The following KRT85 variants were observed in gnomAD, a reference collection of about 807,000 sequenced individuals.
KRT85 encodes keratin, type II cuticular Hb5.
KRT85 carries 39 observed loss-of-function variants against 53.7 expected under a neutral mutation model. The ratio of observed to expected loss-of-function variants is 0.73; its 90% CI spans 0.56 to 0.95. The LOEUF is 0.95. KRT85 is among the 40% of genes least tolerant of loss of function. The pLI, the probability that KRT85 is intolerant of heterozygous loss-of-function variation, is 0.00. For missense variants in KRT85, 668 were observed against 686.0 expected (o/e 0.97, Z 0.29); for synonymous variants, 291 against 277.5 (o/e 1.05, Z -0.48).
chr12:52,363,211 C>A lies in KRT85; in HGVS notation c.951+35G>T, dbSNP rs1242434369. The A allele has an allele frequency of 1.9e-6, 3 of 1,613,732 alleles. No individual in the cohort carries two copies. In the South Asian group the frequency reaches 3.3e-5, roughly 18 times the overall value. ...TAGATGCCTAACTTCCCTCCCACTG[C>A]CATGCTTAGCAGGCAGGTGTCCTGT... On this transcript the variant is annotated intron_variant, in intron 5 of 8. Transcript: ENST00000257901.
At position 52,360,320 on chromosome 12, in the gene KRT85, G is replaced by T. The variant is rs1481192689; in HGVS notation, c.*533C>A. On this transcript the variant is annotated 3_prime_UTR_variant, in exon 9 of 9. Transcript: ENST00000257901. ...CACATGAGGAGCCTGGCTGGAACAG[G>T]TTAGCCCAGAAGCAGGAAGGCAGTC... 1 of 190,780 alleles carries T rather than the reference G, an allele frequency of 5.2e-6. No homozygotes were observed. Among genetic ancestry groups the T allele is most frequent in the Non-Finnish European group, 1.1e-5 (1 of 91,396 alleles). The allele number at this position is 190,780 out of a possible 1,614,324, so 11.8% of individuals were successfully genotyped here.
intron 4 of KRT85, 73 bp downstream of exon 4, chr12:52,363,995 C>T: frequency 8.8e-7 from 1 of 1,141,682 alleles, no homozygotes; most frequent in Non-Finnish European, 1.3e-6. Context: ...ACACATGCAC[C>T]CTTGCCTCAC....
rs759120959 is a variant in KRT85 at position 52,367,303 on chromosome 12, T to C, written c.103A>G (p.Ser35Gly). ...GACACCCCTCGGTAGGGGGCGGCGC[T>C]GATGCAGCAGCGGTTGCCAGTTTTG... ...APKTGNRCCI[S>G]AAPYRGVSCY... The change falls in exon 1 of 9, where the codon AGC becomes GGC. Residue 35 changes from serine (S) to glycine (G), a missense_variant. By Grantham distance (56) the Ser-to-Gly change is moderately conservative (BLOSUM62 0). Around this residue, in one of 3 missense-constraint regions of KRT85, gnomAD observed 158 missense variants for 141.8 expected, o/e 1.11. Transcript: ENST00000257901. The C allele has an allele frequency of 6.2e-7, 1 of 1,613,670 alleles. No individual in the cohort carries two copies. Among genetic ancestry groups the C allele is most frequent in the Admixed American group, 1.7e-5 (1 of 60,010 alleles).
At chr12:52,364,023 A>G in intron 4 of KRT85, 45 bp downstream of exon 4, 1 of 1,477,062 alleles carries the variant, frequency 6.8e-7, no homozygotes, top group East Asian at 2.3e-5. Context: ...CTGTCTCCAA[A>G]ACACCCCTCC....
In KRT85 at chr12:52,364,366, C is replaced by T. The variant is rs1401005911; in HGVS notation, c.630G>A (p.Lys210=). ...VQEVLEGYKK[K]YEEEVALRAT... is the part of the protein sequence containing the mutation. ...CTCTCAGGGCCACCTCCTCTTCATACCTGGGTGTGGGAGAGAGAAGGTCTG... is the reference window on the plus strand; with the variant it reads ...CTCTCAGGGCCACCTCCTCTTCATATCTGGGTGTGGGAGAGAGAAGGTCTG... The change falls in exon 3 of 9, where the codon AAG becomes AAA. Residue 210 remains lysine, a splice_region_variant and synonymous_variant. Transcript: ENST00000257901. 2.5e-6 allele frequency: 4 copies of T among 1,614,068 alleles called. No homozygotes were observed. The highest frequency in any genetic ancestry group is 2.5e-6 in the Non-Finnish European group (3 of 1,180,054).
Position 52,360,961 on chromosome 12 carries a change from T to C in KRT85, c.1416A>G (p.Ser472=). Residue 472 remains serine (S), a synonymous_variant, in exon 9 of 9, where the codon TCA becomes TCG. Transcript: ENST00000257901. The part of the protein sequence containing the change: ...TPGRQITSGP[S]AIGGSITVVA... Reference sequence around the variant, plus strand: ...CCACCGTGATGCTGCCGCCTATGGCTGAGGGGCCAGAAGTGATCTGGCGCC... The same window carrying C: ...CCACCGTGATGCTGCCGCCTATGGCCGAGGGGCCAGAAGTGATCTGGCGCC... The C allele has an allele frequency of 6.2e-7, 1 of 1,613,344 alleles. No individual in the cohort carries two copies. The highest frequency in any genetic ancestry group is 8.5e-7 in the Non-Finnish European group (1 of 1,179,934).
chr12:52,363,186 TAG>T, intron 5 of KRT85, 58 bp downstream of exon 5: 1 of 1,604,494 alleles, frequency 6.2e-7, no homozygotes. Context: ...TCTTTTCTAA[TAG>T]ATGCCTAACT....
chr12:52,365,440 T>C (rs574707111), intron 1 of KRT85, among the ~76,000 whole-genome samples: 1 of 152,336 alleles, frequency 6.6e-6, no homozygotes, highest in East Asian at 1.9e-4. Flanking sequence ...AGTTTTCTCC[T>C]TTCCAAAATG....
intron 1 of KRT85, among the ~76,000 whole-genome samples, chr12:52,366,129 C>A (rs577313272): frequency 1.2e-4 from 18 of 152,344 alleles, no homozygotes; most frequent in Admixed American, 1.2e-3. Flanking sequence ...AGCCTCACAG[C>A]TATGCAGCGT....
chr12:52,362,596 T>C lies in KRT85; in HGVS notation c.1078-125A>G, dbSNP rs1939209339. 4 of 1,286,774 alleles carry C rather than the reference T, an allele frequency of 3.1e-6. No homozygotes were observed. In the South Asian group the frequency reaches 5.1e-5, roughly 16 times the overall value. 79.7% of individuals were successfully genotyped at this position (1,286,774 alleles called of 1,614,324 possible). On this transcript the variant is annotated intron_variant, in intron 6 of 8. Transcript: ENST00000257901. ...AGAAGGTTGGCCCGTGGCCAGGTAG[T>C]TAATGGGGCTGTGAATATGAGGGAG...
chr12:52,367,391 G>A lies in KRT85; in HGVS notation c.15C>T (p.Ser5=). The A allele has an allele frequency of 1.2e-6, 2 of 1,614,106 alleles. No individual in the cohort carries two copies. Among genetic ancestry groups the A allele is most frequent in the Non-Finnish European group, 1.7e-6 (2 of 1,180,016 alleles). Residue 5 remains serine, a synonymous_variant, in exon 1 of 9, where the codon TCC becomes TCT. Coordinates refer to ENST00000257901, the MANE Select transcript of KRT85 (RefSeq NM_002283.4). MSCR[S]YRISSGCGVT... is the part of the protein sequence containing the mutation. ...CCCCGCATCCTGAGCTGATCCTGTA[G>A]GAGCGGCACGACATCGTGTGAGGCT...
At chr12:52,361,363 G>A in intron 8 of KRT85, 104 bp downstream of exon 8, 1 of 1,086,022 alleles carries the variant, frequency 9.2e-7, no homozygotes. Flanking sequence ...AGGGGAGGGT[G>A]AAACAGTTGG....
chr12:52,365,510 G>C (rs946278844), intron 1 of KRT85, among the ~76,000 whole-genome samples: 6 of 152,214 alleles, frequency 3.9e-5, no homozygotes, highest in African/African-American at 1.4e-4. Flanking sequence ...TGCATATCAA[G>C]TGCTTAGAAC....
intron 8 of KRT85, 130 bp downstream of exon 8, chr12:52,361,337 C>A (rs1397797757): frequency 3.4e-6 from 3 of 881,204 alleles, no homozygotes; most frequent in African/African-American, 3.3e-5. Context: ...CCTGTCATGG[C>A]CCCCACTGAG....
At chr12:52,362,217 C>A in intron 7 of KRT85, 34 bp downstream of exon 7, 1 of 1,614,012 alleles carries the variant, frequency 6.2e-7, no homozygotes, top group East Asian at 2.2e-5. Flanking sequence ...ACAGCCTCCA[C>A]CTCTGAAACC....
At chr12:52,362,698 G>A (rs1458687643) in intron 6 of KRT85, among the ~76,000 whole-genome samples, 156 bp downstream of exon 6, 1 of 152,166 alleles carries the variant, frequency 6.6e-6, no homozygotes, top group Non-Finnish European at 1.5e-5. Context: ...ATCCTCCTTT[G>A]GAAGTCAGTG....
In KRT85 at chr12:52,362,217, C is replaced by T. The variant is rs746217226; in HGVS notation, c.1298+34G>A. ...CACTCCTGGAGGACCACAGCCTCCA[C>T]CTCTGAAACCCCACAAAGTCCTCTT... On this transcript the variant is annotated intron_variant, in intron 7 of 8. Transcript: ENST00000257901. The T allele has an allele frequency of 1.3e-5, 21 of 1,613,894 alleles. No homozygotes were observed. The Admixed American group carries it at 1.5e-4, about 12-fold the overall frequency.
chr12:52,360,761 G>A lies in KRT85; in HGVS notation c.*92C>T. On this transcript the variant is annotated 3_prime_UTR_variant, in exon 9 of 9. Transcript: ENST00000257901. ...CTGTAGGAACATCCAGAAGATTCTG[G>A]AAGCAAGCACACATTTTCCATTCAC... 3 of 1,384,116 alleles carry A rather than the reference G, an allele frequency of 2.2e-6. No homozygotes were observed. Among genetic ancestry groups the A allele is most frequent in the Non-Finnish European group, 2.1e-6 (2 of 973,994 alleles). The allele number at this position is 1,384,116 out of a possible 1,614,324, so 85.7% of individuals were successfully genotyped here.
At chr12:52,362,655 T>C (rs559016716) in intron 6 of KRT85, among the ~76,000 whole-genome samples, 184 bp from the exon 7 acceptor site, 1 of 152,282 alleles carries the variant, frequency 6.6e-6, no homozygotes. Context: ...CTCTCCTTGA[T>C]GGCGGTCACA....
Sources: gnomAD v4.1 joint callset for allele counts (sites outside exome capture counted in the v4.1 genomes callset) on GRCh38, gnomAD v4.1.1 for gene constraint, gnomAD v4.1.1 regional missense constraint, MANE v1.5 for transcripts, NCBI Gene and HGNC (gene_info 2026-07-23, HGNC 2026-07-21) for gene names.